The following AKAP13 variants were observed in gnomAD, a reference collection of about 807,000 sequenced individuals.
AKAP13 encodes A-kinase anchoring protein 13, also known as A-kinase anchor protein 13.
A neutral mutation model predicts 264.5 loss-of-function variants in AKAP13; 80 were observed. That is an observed-to-expected ratio of 0.30 (90% confidence interval 0.25 to 0.36). The LOEUF (loss-of-function observed/expected upper bound fraction) is 0.36, where lower values mean the gene tolerates loss of function less well. AKAP13 is among the 10% of genes least tolerant of loss of function. The probability of loss-of-function intolerance (pLI) is 1.00; values close to 1 mark genes in which losing one functional copy is unlikely to be tolerated. For synonymous variants in AKAP13, 1,380 were observed against 1,250.2 expected, an observed-to-expected ratio of 1.10 and a Z score of -2.19; for missense variants, 3,712 against 3,435.2, an observed-to-expected ratio of 1.08 and a Z score of -2.01.
chr15:85,521,719 G>T, intron 3 of AKAP13, 144 bp downstream of exon 3: 1 of 891,646 alleles, frequency 1.1e-6, no homozygotes, highest in Non-Finnish European at 1.6e-6. Flanking sequence ...TTGAATATCT[G>T]GTCCTGCTGG....
At position 85,664,645 on chromosome 15, in the gene AKAP13, G is replaced by T. The variant is rs150221941; in HGVS notation, c.4882G>T (p.Glu1628Ter). The T allele has an allele frequency of 6.2e-7, 1 of 1,613,972 alleles. No homozygotes were observed. The highest frequency in any genetic ancestry group is 8.5e-7 in the Non-Finnish European group (1 of 1,179,976). The part of the protein sequence containing the change: ...SSLEVSSANA[E>*]ELRHPFSGEE... ...TCTAGAAGTAAGCTCTGCAAATGCC[G>T]AAGAGCTCAGACACCCATTCAGTGG... The change falls in exon 13 of 37, where the codon GAA (glutamate) becomes TAA (stop). Residue 1628 changes from glutamate (E) to a stop codon, truncating the protein, a stop_gained. Coordinates refer to ENST00000394518, the MANE Select transcript of AKAP13 (RefSeq NM_007200.5). LOFTEE classifies it high-confidence loss of function.
At chr15:85,632,196 T>G (rs1285580958) in intron 8 of AKAP13, among the ~76,000 whole-genome samples, 1 of 152,180 alleles carries the variant, frequency 6.6e-6, no homozygotes, top group Non-Finnish European at 1.5e-5. Context: ...GACAGGTAAA[T>G]GTATTACTCA....
chr15:85,660,015 C>T (rs1048754066), intron 12 of AKAP13, among the ~76,000 whole-genome samples: 3 of 152,100 alleles, frequency 2.0e-5, no homozygotes, highest in South Asian at 4.2e-4. Flanking sequence ...AAAGGGCAGA[C>T]GTTGTAGACC....
At chr15:85,684,675 T>C (rs1336281142) in intron 15 of AKAP13, 66 bp from the exon 16 acceptor site, 1 of 1,517,176 alleles carries the variant, frequency 6.6e-7, no homozygotes, top group African/African-American at 1.4e-5. Context: ...TACCTTTTAT[T>C]CTGCTTCACT....
At chr15:85,566,069 T>G (rs1173980726) in intron 5 of AKAP13, among the ~76,000 whole-genome samples, 1 of 152,230 alleles carries the variant, frequency 6.6e-6, no homozygotes, top group Non-Finnish European at 1.5e-5. Flanking sequence ...GTGAAGCAGA[T>G]GATGTTGGAA....
At chr15:85,648,102 C>A (rs1461253500) in intron 10 of AKAP13, among the ~76,000 whole-genome samples, 1 of 152,202 alleles carries the variant, frequency 6.6e-6, no homozygotes, top group East Asian at 1.9e-4. Flanking sequence ...GAATTCTGTT[C>A]CCCGCAAGGG....
At chr15:85,583,394 T>G (rs549445924) in intron 7 of AKAP13, among the ~76,000 whole-genome samples, 1 of 152,200 alleles carries the variant, frequency 6.6e-6, no homozygotes, top group Admixed American at 6.5e-5. Flanking sequence ...AGTTGAGGGA[T>G]TTAAGGAATC....
intron 5 of AKAP13, among the ~76,000 whole-genome samples, chr15:85,567,104 C>G (rs2151280091): frequency 6.6e-6 from 1 of 152,004 alleles, no homozygotes; most frequent in South Asian, 2.1e-4. Flanking sequence ...TTAAGAGATA[C>G]AAGTGCAGTT....
At chr15:85,400,315 C>T (rs750347224) in intron 1 of AKAP13, among the ~76,000 whole-genome samples, 11 of 151,920 alleles carry the variant, frequency 7.2e-5, no homozygotes, top group South Asian at 2.1e-4. Context: ...GAGGCTGAGG[C>T]GGAAGGATCA....
intron 2 of AKAP13, among the ~76,000 whole-genome samples, chr15:85,516,105 C>G (rs989202440): frequency 3.9e-5 from 6 of 152,180 alleles, no homozygotes; most frequent in Non-Finnish European, 7.3e-5. Context: ...CTTTCTGTCT[C>G]TTCAGATGCA....
intron 1 of AKAP13, among the ~76,000 whole-genome samples, chr15:85,431,136 A>G (rs1596144027): frequency 6.6e-6 from 1 of 152,332 alleles, no homozygotes; most frequent in East Asian, 1.9e-4. Flanking sequence ...CCATAAATGT[A>G]TTACTTCTCA....
At chr15:85,561,258 G>T (rs897444887) in intron 5 of AKAP13, among the ~76,000 whole-genome samples, 2 of 151,782 alleles carry the variant, frequency 1.3e-5, no homozygotes, top group Admixed American at 6.6e-5. Context: ...GGGTTTCACC[G>T]CATTGGCCAG....
At chr15:85,420,123 A>G (rs554720073) in intron 1 of AKAP13, among the ~76,000 whole-genome samples, 1 of 151,304 alleles carries the variant, frequency 6.6e-6, no homozygotes, top group Non-Finnish European at 1.5e-5. Context: ...TTGTATTTTT[A>G]GTAGAGACGG....
At chr15:85,540,439 G>A (rs1450499778) in intron 4 of AKAP13, among the ~76,000 whole-genome samples, 1 of 152,186 alleles carries the variant, frequency 6.6e-6, no homozygotes, top group Non-Finnish European at 1.5e-5. Context: ...GGATGGAAGG[G>A]GAGTGAGTTG....
Position 85,711,691 on chromosome 15 carries a change from C to G in AKAP13, c.5599+1046C>G, listed in dbSNP as rs576885093. ...ATGATTAATATCTTCTTAGCTGGCTCCATGGGAGCCTCTGTGAGACTTTTC... is the reference window on the plus strand; with the variant it reads ...ATGATTAATATCTTCTTAGCTGGCTGCATGGGAGCCTCTGTGAGACTTTTC... On this transcript the variant is annotated intron_variant, in intron 19 of 36. Transcript: ENST00000394518. Among the ~76,000 whole-genome samples, 6 of 152,318 alleles carry G rather than the reference C, an allele frequency of 3.9e-5. 1 individual carries two copies. In the South Asian group the frequency reaches 1.2e-3, roughly 32 times the overall value.
chr15:85,414,039 T>A (rs927810441), intron 1 of AKAP13, among the ~76,000 whole-genome samples: 2 of 152,228 alleles, frequency 1.3e-5, no homozygotes, highest in African/African-American at 4.8e-5. Flanking sequence ...GTACCTGTTA[T>A]AGCCTGAAAA....
intron 9 of AKAP13, among the ~76,000 whole-genome samples, chr15:85,643,051 T>C (rs983207602): frequency 1.3e-5 from 2 of 151,792 alleles, no homozygotes; most frequent in Admixed American, 6.6e-5. Flanking sequence ...ATACCCATAG[T>C]TTCCAGTCTG....
chr15:85,698,451 C>G (rs1241607883), intron 17 of AKAP13, among the ~76,000 whole-genome samples: 2 of 94,692 alleles, frequency 2.1e-5, no homozygotes, highest in African/African-American at 8.8e-5. Flanking sequence ...GGTGACAGAG[C>G]AAGACTCTGT....
chr15:85,569,669 C>T (rs1178476222), intron 5 of AKAP13, among the ~76,000 whole-genome samples: 7 of 151,968 alleles, frequency 4.6e-5, no homozygotes, highest in Admixed American at 3.3e-4. Context: ...GCCAGGCTGG[C>T]CTTGAACTCC....
Sources: gnomAD v4.1 joint callset for allele counts (sites outside exome capture counted in the v4.1 genomes callset) on GRCh38, gnomAD v4.1.1 for gene constraint, MANE v1.5 for transcripts, NCBI Gene and HGNC (gene_info 2026-07-23, HGNC 2026-07-21) for gene names.